Variants in ACVR1C observed in about 807,000 individuals in gnomAD.
ACVR1C encodes the protein activin receptor type-1C.
In ACVR1C, 23 loss-of-function variants were observed where a neutral mutation model predicts 57.9. The observed-to-expected ratio is 0.40, with a 90% CI of 0.29 to 0.56. The LOEUF (loss-of-function observed/expected upper bound fraction) is 0.56. ACVR1C is among the 20% of genes least tolerant of loss of function. The pLI is 0.50. For synonymous variants in ACVR1C, 214 were observed against 215.3 expected, an observed-to-expected ratio of 0.99 and a Z score of 0.05; for missense variants, 480 against 607.9, an observed-to-expected ratio of 0.79 and a Z score of 2.21.
At chr2:157,555,286 T>G (rs896819974) in intron 3 of ACVR1C, among the ~76,000 whole-genome samples, 7 of 151,122 alleles carry the variant, frequency 4.6e-5, no homozygotes. Context: ...GCCCGGCTAA[T>G]TTTTTGTATT....
At chr2:157,572,259 T>A (rs1688528784) in intron 2 of ACVR1C, among the ~76,000 whole-genome samples, 1 of 142,334 alleles carries the variant, frequency 7.0e-6, no homozygotes, top group Non-Finnish European at 1.5e-5. Flanking sequence ...GAGATATACC[T>A]AATGCTAGAT....
At chr2:157,551,435 T>C (rs753860857) in intron 3 of ACVR1C, among the ~76,000 whole-genome samples, 1 of 152,164 alleles carries the variant, frequency 6.6e-6, no homozygotes, top group Non-Finnish European at 1.5e-5. Context: ...AAGTATCTAA[T>C]AACATGAAAA....
intron 1 of ACVR1C, among the ~76,000 whole-genome samples, chr2:157,621,308 A>G (rs1326080533): frequency 6.6e-6 from 1 of 152,164 alleles, no homozygotes; most frequent in Non-Finnish European, 1.5e-5. Context: ...CTGGCCAATC[A>G]GAGCAGTGAA....
At chr2:157,580,656 G>A (rs1011324845) in intron 2 of ACVR1C, among the ~76,000 whole-genome samples, 2 of 151,744 alleles carry the variant, frequency 1.3e-5, no homozygotes, top group African/African-American at 4.8e-5. Context: ...TGAATTGCTC[G>A]ACAGCCAAGA....
chr2:157,554,236 A>G (rs925657428), intron 3 of ACVR1C, among the ~76,000 whole-genome samples: 1 of 134,200 alleles, frequency 7.5e-6, no homozygotes, highest in Non-Finnish European at 1.5e-5. Context: ...AGAAAGAAAG[A>G]AAGAAAGAAA....
chr2:157,558,234 T>A (rs1688149303), intron 2 of ACVR1C, among the ~76,000 whole-genome samples: 1 of 152,214 alleles, frequency 6.6e-6, no homozygotes, highest in Admixed American at 6.5e-5. Context: ...AGAGAAAGAA[T>A]GGGAGACTAT....
chr2:157,593,482 C>T (rs1681995154), intron 1 of ACVR1C, among the ~76,000 whole-genome samples: 1 of 152,158 alleles, frequency 6.6e-6, no homozygotes, highest in Non-Finnish European at 1.5e-5. Flanking sequence ...TTAGACCAGG[C>T]TATGAAACAC....
chr2:157,610,229 T>C (rs1228866809), intron 1 of ACVR1C, among the ~76,000 whole-genome samples: 1 of 152,136 alleles, frequency 6.6e-6, no homozygotes, highest in Admixed American at 6.5e-5. Flanking sequence ...TGAGCATTTC[T>C]TAGAGTGGTG....
At chr2:157,615,146 T>G (rs1013825131) in intron 1 of ACVR1C, among the ~76,000 whole-genome samples, 1 of 152,042 alleles carries the variant, frequency 6.6e-6, no homozygotes, top group Admixed American at 6.6e-5. Flanking sequence ...AGCTTATTAT[T>G]TTTACCATTT....
chr2:157,625,664 C>T (rs1486254971), intron 1 of ACVR1C, among the ~76,000 whole-genome samples: 2 of 152,056 alleles, frequency 1.3e-5, no homozygotes, highest in African/African-American at 4.8e-5. Flanking sequence ...CACTCTCACC[C>T]TGGTTATTAA....
At chr2:157,546,907 G>A (rs940177695) in intron 4 of ACVR1C, among the ~76,000 whole-genome samples, 58 of 151,452 alleles carry the variant, frequency 3.8e-4, no homozygotes, top group East Asian at 7.8e-4. Context: ...ATGCTGGTGC[G>A]CTGCACCCAC....
intron 2 of ACVR1C, among the ~76,000 whole-genome samples, chr2:157,586,842 C>T (rs1688934019): frequency 1.3e-5 from 2 of 152,142 alleles, no homozygotes; most frequent in African/African-American, 4.8e-5. Context: ...GTCTTTTACA[C>T]ATGATCTTAG....
At chr2:157,613,361 A>G (rs1682573302) in intron 1 of ACVR1C, among the ~76,000 whole-genome samples, 1 of 152,252 alleles carries the variant, frequency 6.6e-6, no homozygotes, top group South Asian at 2.1e-4. Flanking sequence ...TAGATTACTT[A>G]TAATACCTAA....
At chr2:157,542,479 T>C (rs1687646602) in intron 6 of ACVR1C, among the ~76,000 whole-genome samples, 1 of 152,204 alleles carries the variant, frequency 6.6e-6, no homozygotes, top group Non-Finnish European at 1.5e-5. Context: ...TTCTCTCCAC[T>C]GGACTCTGTA....
At position 157,628,596 on chromosome 2, in the gene ACVR1C, C is replaced by T. The variant is rs766820900; in HGVS notation, c.49G>A (p.Ala17Thr). The change falls in exon 1 of 9, where the codon GCA (alanine) becomes ACA (threonine). Residue 17 changes from alanine to threonine, a missense_variant. Transcript: ENST00000243349. Reference protein sequence around the residue: ...SALRQALLLLAAAAELSPGLK... With the variant: ...SALRQALLLLTAAAELSPGLK... ...CCTGGCGAGAGCTCGGCGGCCGCTG[C>T]GAGCAGCAGGAGAGCCTGGCGGAGC... 10 of 1,607,126 alleles carry T rather than the reference C, an allele frequency of 6.2e-6. No homozygotes were observed. Among genetic ancestry groups the T allele is most frequent in the Non-Finnish European group, 8.5e-6 (10 of 1,177,466 alleles).
intron 1 of ACVR1C, among the ~76,000 whole-genome samples, chr2:157,613,802 T>C (rs1037923037): frequency 6.6e-6 from 1 of 152,234 alleles, no homozygotes; most frequent in Non-Finnish European, 1.5e-5. Context: ...CTATGAGAGA[T>C]ACTGGTCTAT....
At chr2:157,622,008 G>A (rs974734641) in intron 1 of ACVR1C, among the ~76,000 whole-genome samples, 1 of 152,118 alleles carries the variant, frequency 6.6e-6, no homozygotes, top group Non-Finnish European at 1.5e-5. Context: ...CCTCTTAACT[G>A]AAGATGAGAC....
At chr2:157,602,631 A>G (rs1392697760) in intron 1 of ACVR1C, among the ~76,000 whole-genome samples, 1 of 152,220 alleles carries the variant, frequency 6.6e-6, no homozygotes, top group Non-Finnish European at 1.5e-5. Flanking sequence ...AAACAGAAAT[A>G]GACTAAACAC....
intron 1 of ACVR1C, among the ~76,000 whole-genome samples, chr2:157,604,291 C>G (rs1682344783): frequency 6.6e-6 from 1 of 151,950 alleles, no homozygotes; most frequent in Admixed American, 6.6e-5. Flanking sequence ...TCTCTCTGTC[C>G]CAACTGCTGG....
Sources: gnomAD v4.1 joint callset for allele counts (sites outside exome capture counted in the v4.1 genomes callset) on GRCh38, gnomAD v4.1.1 for gene constraint, MANE v1.5 for transcripts, NCBI Gene and HGNC (gene_info 2026-07-23, HGNC 2026-07-21) for gene names.